PLCXD3: variants seen among roughly 807,000 people sequenced by gnomAD.
PLCXD3 encodes PI-PLC X domain-containing protein 3.
In PLCXD3, 19 loss-of-function variants were observed where a neutral mutation model predicts 25.5. The observed-to-expected ratio is 0.75, with a 90% CI of 0.52 to 1.09. The LOEUF (loss-of-function observed/expected upper bound fraction) is 1.09. Ranked by LOEUF, PLCXD3 falls within the 50% of genes least tolerant of loss-of-function variation. The pLI is 0.00. For synonymous variants in PLCXD3, 174 were observed against 137.6 expected (o/e 1.26, Z -1.85); for missense variants, 411 against 388.1 (o/e 1.06, Z -0.50).
intron 1 of PLCXD3, among the ~76,000 whole-genome samples, chr5:41,425,653 C>G (rs1746940602): frequency 6.6e-6 from 1 of 152,158 alleles, no homozygotes; most frequent in Admixed American, 6.5e-5. Context: ...TCCTTTCTAA[C>G]CCCTGGCCAA....
chr5:41,403,197 T>C (rs1746237054), intron 1 of PLCXD3, among the ~76,000 whole-genome samples: 1 of 151,772 alleles, frequency 6.6e-6, no homozygotes, highest in Non-Finnish European at 1.5e-5. Flanking sequence ...GTGGATATGA[T>C]ATAAAATGCA....
At chr5:41,315,371 A>T (rs1295320559) in intron 2 of PLCXD3, among the ~76,000 whole-genome samples, 2 of 152,120 alleles carry the variant, frequency 1.3e-5, no homozygotes, top group African/African-American at 4.8e-5. Context: ...ACCTAGAAGA[A>T]GTTGTATAAA....
At chr5:41,345,830 G>C (rs568090014) in intron 2 of PLCXD3, among the ~76,000 whole-genome samples, 1 of 151,830 alleles carries the variant, frequency 6.6e-6, no homozygotes, top group East Asian at 1.9e-4. Flanking sequence ...TTATCCAAAT[G>C]AATATTTATT....
chr5:41,345,914 C>G (rs1299364679), intron 2 of PLCXD3, among the ~76,000 whole-genome samples: 1 of 149,848 alleles, frequency 6.7e-6, no homozygotes, highest in African/African-American at 2.5e-5. Context: ...GAGTCTCACT[C>G]TGTCGCCTGG....
intron 1 of PLCXD3, among the ~76,000 whole-genome samples, chr5:41,438,385 G>A (rs1172129796): frequency 6.6e-6 from 1 of 152,212 alleles, no homozygotes; most frequent in Non-Finnish European, 1.5e-5. Flanking sequence ...CTGAAAAACC[G>A]GACTGCTGGC....
chr5:41,489,270 T>C (rs972341630), intron 1 of PLCXD3, among the ~76,000 whole-genome samples: 210 of 152,324 alleles, frequency 1.4e-3, no homozygotes, highest in African/African-American at 5.0e-3. Flanking sequence ...GAGGGCTCTG[T>C]TCTGTTCCAT....
rs1395888354 is a variant in PLCXD3 at position 41,405,125 on chromosome 5, T to G, written c.104-22591A>C. On this transcript the variant is annotated intron_variant, in intron 1 of 2. Transcript: ENST00000377801. ...CCTTTTATGATAATAGGACCAACACTATGGTTGTTGGGAAGCAAACATACC... is the reference window on the plus strand; with the variant it reads ...CCTTTTATGATAATAGGACCAACACGATGGTTGTTGGGAAGCAAACATACC... Among the ~76,000 whole-genome samples the G allele has an allele frequency of 3.9e-5, 6 of 152,210 alleles. No homozygotes were observed. In the East Asian group the frequency reaches 1.2e-3, roughly 29 times the overall value.
At chr5:41,424,715 T>C (rs7700406) in intron 1 of PLCXD3, among the ~76,000 whole-genome samples, 87,563 of 151,972 alleles carry the variant, frequency 0.58, 25,827 homozygotes, top group South Asian at 0.71. Flanking sequence ...TTTCACATTA[T>C]AAATAAGGAA....
intron 1 of PLCXD3, among the ~76,000 whole-genome samples, chr5:41,399,665 C>T (rs1746119181): frequency 6.6e-6 from 1 of 152,034 alleles, no homozygotes; most frequent in Non-Finnish European, 1.5e-5. Flanking sequence ...AAACTAGACC[C>T]TGTCTATTAC....
At chr5:41,319,470 T>C (rs914866601) in intron 2 of PLCXD3, among the ~76,000 whole-genome samples, 32 of 152,172 alleles carry the variant, frequency 2.1e-4, no homozygotes, top group African/African-American at 7.7e-4. Flanking sequence ...TTGGGAGTTC[T>C]ACAACTACAT....
intron 1 of PLCXD3, among the ~76,000 whole-genome samples, chr5:41,446,031 C>CA (rs200987736): frequency 0.069 from 10,400 of 151,084 alleles, 501 homozygotes; most frequent in Non-Finnish European, 0.1. Context: ...ACTAAAAATA[C>CA]AAAAAAATTA....
At chr5:41,423,164 T>C (rs982127702) in intron 1 of PLCXD3, among the ~76,000 whole-genome samples, 6 of 152,248 alleles carry the variant, frequency 3.9e-5, no homozygotes, top group Middle Eastern at 3.4e-3. Context: ...AGAAGCCCTA[T>C]CTGACTTTGA....
chr5:41,383,466 G>T (rs925162256), intron 1 of PLCXD3, among the ~76,000 whole-genome samples: 1 of 151,952 alleles, frequency 6.6e-6, no homozygotes, highest in African/African-American at 2.4e-5. Context: ...TCTTTATTAG[G>T]ACCCAATAAA....
At chr5:41,374,527 C>T (rs963356600) in intron 2 of PLCXD3, among the ~76,000 whole-genome samples, 6 of 152,026 alleles carry the variant, frequency 3.9e-5, no homozygotes, top group African/African-American at 1.2e-4. Context: ...AATGAAGCCA[C>T]GTACAATACA....
intron 1 of PLCXD3, among the ~76,000 whole-genome samples, chr5:41,432,743 G>A (rs1310421861): frequency 1.3e-5 from 2 of 152,146 alleles, no homozygotes; most frequent in East Asian, 3.8e-4. Context: ...ATTTAATAAT[G>A]CAACTAACAG....
intron 1 of PLCXD3, among the ~76,000 whole-genome samples, chr5:41,458,769 G>A (rs1408532292): frequency 4.6e-5 from 7 of 151,848 alleles, no homozygotes; most frequent in African/African-American, 1.7e-4. Context: ...ACACTAAAAG[G>A]CATCTGTTTA....
At chr5:41,485,591 A>G (rs1748500335) in intron 1 of PLCXD3, among the ~76,000 whole-genome samples, 1 of 152,102 alleles carries the variant, frequency 6.6e-6, no homozygotes. Context: ...CCCCTCTCTA[A>G]AACACACTGA....
intron 2 of PLCXD3, among the ~76,000 whole-genome samples, chr5:41,357,776 T>C (rs1744659750): frequency 6.6e-6 from 1 of 152,140 alleles, no homozygotes; most frequent in Non-Finnish European, 1.5e-5. Flanking sequence ...ATATGTATAA[T>C]AAAAAGCTAT....
Position 41,335,574 on chromosome 5 carries a change from A to AT in PLCXD3, c.813-21805_813-21804insA. 2.6e-5 allele frequency among the ~76,000 whole-genome samples: 4 copies of AT among 152,270 alleles called. 1 individual carries two copies. The Middle Eastern group carries it at 0.014, about 518-fold the overall frequency. On this transcript the variant is annotated intron_variant, in intron 2 of 2. Coordinates refer to ENST00000377801, the MANE Select transcript of PLCXD3 (RefSeq NM_001005473.3). ...AATGGGAAAATAAAGTATTACTTTA[A>AT]AAATATGCATTTATTAAGAAGAGAA...
Sources: allele counts gnomAD v4.1 joint callset (sites outside exome capture counted in the v4.1 genomes callset), GRCh38; gene constraint gnomAD v4.1.1; transcripts MANE v1.5; gene names NCBI Gene and HGNC (gene_info 2026-07-23, HGNC 2026-07-21).